Variants in SEC14L5 observed in about 807,000 individuals in gnomAD.
The protein encoded by SEC14L5 is SEC14 like lipid binding 5.
Under a neutral mutation model 84.6 loss-of-function variants are expected in SEC14L5, and 96 were observed. The ratio of observed to expected loss-of-function variants is 1.13; its 90% CI spans 0.96 to 1.34. SEC14L5 has a LOEUF of 1.34. Ranked by LOEUF, SEC14L5 falls within the 40% of genes most tolerant of loss-of-function variation. SEC14L5 has a pLI of 0.00. For synonymous variants in SEC14L5, 546 were observed against 383.4 expected, an observed-to-expected ratio of 1.42 and a Z score of -4.95; for missense variants, 1,224 against 942.5, an observed-to-expected ratio of 1.30 and a Z score of -3.91.
chr16:5,003,634 G>A (rs1042166905), intron 11 of SEC14L5, 61 bp downstream of exon 11: 20 of 958,946 alleles, frequency 2.1e-5, no homozygotes, highest in Admixed American at 7.1e-5. Flanking sequence ...GAGGGGTTCC[G>A]TCTGCAAGCA....
chr16:4,975,374 G>A (rs1193218562), intron 2 of SEC14L5, among the ~76,000 whole-genome samples: 2 of 150,222 alleles, frequency 1.3e-5, no homozygotes, highest in Admixed American at 1.3e-4. Context: ...TTGGGAGGCT[G>A]AGGCAGAAGA....
chr16:4,965,669 A>G (rs1279737408), intron 2 of SEC14L5, among the ~76,000 whole-genome samples: 1 of 148,812 alleles, frequency 6.7e-6, no homozygotes, highest in African/African-American at 2.5e-5. Context: ...TCAAAAAAAA[A>G]AAAAAAAAAA....
At chr16:4,988,686 C>T (rs1029807861) in intron 4 of SEC14L5, among the ~76,000 whole-genome samples, 2 of 152,180 alleles carry the variant, frequency 1.3e-5, no homozygotes, top group South Asian at 4.1e-4. Flanking sequence ...GCCTACTACA[C>T]AGGTAGTATG....
intron 14 of SEC14L5, 133 bp downstream of exon 14, chr16:5,008,781 G>T (rs77501558): frequency 4.0e-6 from 3 of 753,318 alleles, no homozygotes; most frequent in East Asian, 5.5e-5. Flanking sequence ...GCAGGACAGG[G>T]CAGAGGAAAG....
At position 5,005,882 on chromosome 16, in the gene SEC14L5, ACC is replaced by A. The variant is rs1476370810; in HGVS notation, c.1303-31_1303-30del. ...CCGTCTCAAAAAAAAAAAAAAAAAA[ACC>A]ATCCATCTTGCCTTATGTCCTGGTT... On this transcript the variant is annotated intron_variant, in intron 11 of 15. Coordinates refer to ENST00000251170, the MANE Select transcript of SEC14L5 (RefSeq NM_014692.2). 246 of 1,487,950 alleles carry A rather than the reference ACC, an allele frequency of 1.7e-4. No homozygotes were observed. In the African/African-American group the frequency reaches 3.3e-3, roughly 20 times the overall value. The allele number at this position is 1,487,950 out of a possible 1,614,324, so 92.2% of individuals were successfully genotyped here.
intron 5 of SEC14L5, among the ~76,000 whole-genome samples, chr16:4,991,361 G>A (rs1050638055): frequency 4.0e-5 from 6 of 151,882 alleles, no homozygotes; most frequent in Non-Finnish European, 8.8e-5. Context: ...AGGAATTTCA[G>A]AGCAGTCTAG....
rs1235615374 is a variant in SEC14L5, at chr16:5,000,875, A to G, written c.1080A>G (p.Glu360=). 3.1e-6 allele frequency: 5 copies of G among 1,608,334 alleles called. No individual in the cohort carries two copies. Among genetic ancestry groups the G allele is most frequent in the Non-Finnish European group, 4.2e-6 (5 of 1,177,606 alleles). ...LLRHVLSVNE[E]GQKRCEGSTR... ...TCCAGGTTCTCTCCGTCAACGAGGA[A>G]GGACAGAAGCGGTGTGAGGGGAGCA... The change falls in exon 10 of 16, where the codon GAA becomes GAG. Residue 360 remains glutamate (E), a synonymous_variant. Coordinates refer to ENST00000251170, the MANE Select transcript of SEC14L5 (RefSeq NM_014692.2).
chr16:5,011,424 C>A (rs954497437), intron 15 of SEC14L5, among the ~76,000 whole-genome samples, 151 bp downstream of exon 15: 1 of 152,208 alleles, frequency 6.6e-6, no homozygotes, highest in Non-Finnish European at 1.5e-5. Flanking sequence ...GGTGACACAG[C>A]CCCGCACTAG....
chr16:4,968,030 CT>C (rs1262479047), intron 2 of SEC14L5, among the ~76,000 whole-genome samples: 1 of 129,638 alleles, frequency 7.7e-6, no homozygotes, highest in East Asian at 2.6e-4. Context: ...TATTATATTT[CT>C]TTTTTGAGAC....
intron 11 of SEC14L5, 51 bp downstream of exon 11, chr16:5,003,624 G>GGGGGGGGGGCCCCCCCCC: frequency 3.3e-6 from 1 of 305,312 alleles, no homozygotes. Flanking sequence ...GGTGGGATGG[G>GGGGGGGGGGCCCCCCCCC]AGGGGTTCCG....
chr16:5,010,494 G>A (rs751418337), intron 14 of SEC14L5, among the ~76,000 whole-genome samples: 1 of 152,112 alleles, frequency 6.6e-6, no homozygotes, highest in Non-Finnish European at 1.5e-5. Flanking sequence ...TCTGACTCCC[G>A]AAATGACACA....
Position 5,005,874 on chromosome 16 carries a change from A to AAAAC in SEC14L5, c.1303-37_1303-36insCAAA, listed in dbSNP as rs768519679. 7.3e-6 allele frequency: 11 copies of AAAAC among 1,502,740 alleles called. No individual in the cohort carries two copies. The Admixed American group carries it at 1.2e-4, about 17-fold the overall frequency. 93.1% of individuals were successfully genotyped at this position (1,502,740 alleles called of 1,614,324 possible). On this transcript the variant is annotated intron_variant, in intron 11 of 15. Transcript: ENST00000251170. ...GCAAGACTCCGTCTCAAAAAAAAAA[A>AAAAC]AAAAAAAACCATCCATCTTGCCTTA...
chr16:5,014,052 C>G (rs1312174380), intron 15 of SEC14L5, among the ~76,000 whole-genome samples: 3 of 152,220 alleles, frequency 2.0e-5, no homozygotes, highest in African/African-American at 7.2e-5. Flanking sequence ...CCAGACCATG[C>G]TTTGAGTAGC....
rs202015828 is a variant in SEC14L5, at chr16:5,003,583, G to A, written c.1302+10G>A. Reference sequence around the variant, plus strand: ...CGTGCTCTGGACACTGGTAAGAGCTGGAGCCTGGGCCAGGACTCTCCCTGG... The same window carrying A: ...CGTGCTCTGGACACTGGTAAGAGCTAGAGCCTGGGCCAGGACTCTCCCTGG... On this transcript the variant is annotated intron_variant, in intron 11 of 15. Coordinates refer to ENST00000251170, the MANE Select transcript of SEC14L5 (RefSeq NM_014692.2). The A allele has an allele frequency of 9.7e-6, 15 of 1,551,958 alleles. No individual in the cohort carries two copies. Among genetic ancestry groups the A allele is most frequent in the Non-Finnish European group, 1.3e-5 (15 of 1,141,754 alleles).
intron 8 of SEC14L5, among the ~76,000 whole-genome samples, chr16:5,000,020 G>T (rs143467470): frequency 1.3e-5 from 2 of 152,056 alleles, no homozygotes; most frequent in East Asian, 3.9e-4. Flanking sequence ...GGCCAGCTGC[G>T]GTGGCTCATG....
chr16:4,972,928 C>T (rs1955297868), intron 2 of SEC14L5, among the ~76,000 whole-genome samples: 1 of 152,220 alleles, frequency 6.6e-6, no homozygotes, highest in Admixed American at 6.5e-5. Flanking sequence ...CTCTTAATGG[C>T]AGTGCTATGC....
chr16:4,997,857 A>G (rs933628939), intron 8 of SEC14L5, among the ~76,000 whole-genome samples: 1 of 151,750 alleles, frequency 6.6e-6, no homozygotes, highest in African/African-American at 2.4e-5. Context: ...CTCTCTTCAC[A>G]TGGCCTTCCC....
intron 10 of SEC14L5, among the ~76,000 whole-genome samples, chr16:5,001,368 C>A (rs919917278): frequency 4.0e-5 from 6 of 151,692 alleles, no homozygotes; most frequent in Non-Finnish European, 8.8e-5. Context: ...AAGCGATTCT[C>A]CTGCCTCAGC....
intron 12 of SEC14L5, 40 bp downstream of exon 12, chr16:5,006,088 A>G: frequency 6.2e-7 from 1 of 1,600,874 alleles, no homozygotes; most frequent in Non-Finnish European, 8.5e-7. Context: ...GGGCTTGAGG[A>G]GGGGGCATGC....
Sources: allele counts gnomAD v4.1 joint callset (sites outside exome capture counted in the v4.1 genomes callset), GRCh38; gene constraint gnomAD v4.1.1; transcripts MANE v1.5; gene names NCBI Gene and HGNC (gene_info 2026-07-23, HGNC 2026-07-21).